The following UNC13C variants were observed in gnomAD, a reference collection of about 807,000 sequenced individuals.
The protein encoded by UNC13C is protein unc-13 homolog C.
In UNC13C, 174 loss-of-function variants were observed where a neutral mutation model predicts 245.4. The ratio of observed to expected loss-of-function variants is 0.71; its 90% CI spans 0.63 to 0.80. UNC13C has a LOEUF of 0.80. Among genes scored for constraint, UNC13C ranks in the 30% least tolerant of loss-of-function variants. The probability of loss-of-function intolerance (pLI) is 0.00; values close to 1 mark genes in which losing one functional copy is unlikely to be tolerated. For synonymous variants in UNC13C, 992 were observed against 895.1 expected, an observed-to-expected ratio of 1.11 and a Z score of -1.93; for missense variants, 2,829 against 2,602.9, an observed-to-expected ratio of 1.09 and a Z score of -1.89.
At chr15:54,598,540 C>A (rs1448132073) in intron 30 of UNC13C, among the ~76,000 whole-genome samples, 1 of 152,180 alleles carries the variant, frequency 6.6e-6, no homozygotes, top group Non-Finnish European at 1.5e-5. Flanking sequence ...GTGGAATAAA[C>A]TTCTGTTGAA....
chr15:54,015,524 A>T lies in UNC13C; in HGVS notation c.2621A>T (p.Asn874Ile). ...GATTATACTGAACCAGTGGCTGACA[A>T]TGAAACAGATTATGTTGAAGTCATG... ...EEDYTEPVAD[N>I]ETDYVEVMEQ... The change falls in exon 2 of 33, where the codon AAT (asparagine) becomes ATT (isoleucine). Residue 874 changes from asparagine to isoleucine, a missense_variant. Asn to Ile is a moderately radical substitution (Grantham distance 149). Transcript: ENST00000260323. 6.2e-7 allele frequency: 1 copy of T among 1,613,292 alleles called. No homozygotes were observed. The highest frequency in any genetic ancestry group is 8.5e-7 in the Non-Finnish European group (1 of 1,179,396).
chr15:54,322,391 C>A (rs1402709932), intron 14 of UNC13C, among the ~76,000 whole-genome samples: 1 of 152,030 alleles, frequency 6.6e-6, no homozygotes, highest in African/African-American at 2.4e-5. Context: ...TCAACATATG[C>A]AAATTTGGTA....
chr15:54,330,309 G>A (rs2038405842), intron 14 of UNC13C, among the ~76,000 whole-genome samples: 2 of 152,040 alleles, frequency 1.3e-5, no homozygotes, highest in South Asian at 2.1e-4. Context: ...GATTTAATAA[G>A]CTGTCTACAT....
At chr15:53,925,740 A>T in the UNC13C span, among the ~76,000 whole-genome samples, 1 of 152,178 alleles carries the variant, frequency 6.6e-6, no homozygotes, top group South Asian at 2.1e-4. Flanking sequence ...ACACCAGACT[A>T]TTATTTACCA....
chr15:54,559,825 A>C (rs1400499212), intron 29 of UNC13C, among the ~76,000 whole-genome samples: 3 of 152,008 alleles, frequency 2.0e-5, no homozygotes, highest in Admixed American at 6.6e-5. Flanking sequence ...TAAATAGTCT[A>C]GTGTAGAAGA....
chr15:53,955,414 T>C, the UNC13C span, among the ~76,000 whole-genome samples: 1 of 152,146 alleles, frequency 6.6e-6, no homozygotes, highest in Non-Finnish European at 1.5e-5. Context: ...TTAAAAGACA[T>C]GATTTTTCAG....
chr15:54,374,221 C>T (rs911339983), intron 17 of UNC13C, among the ~76,000 whole-genome samples: 1 of 152,156 alleles, frequency 6.6e-6, no homozygotes, highest in African/African-American at 2.4e-5. Flanking sequence ...GTTCTCATTC[C>T]AGTCTGTGGA....
At chr15:54,432,182 C>T (rs2040885582) in intron 19 of UNC13C, among the ~76,000 whole-genome samples, 1 of 151,570 alleles carries the variant, frequency 6.6e-6, no homozygotes, top group South Asian at 2.1e-4. Flanking sequence ...GACATAGAAT[C>T]TCTGCCCTAA....
chr15:54,392,267 A>G (rs779913504), intron 17 of UNC13C, among the ~76,000 whole-genome samples: 1 of 152,110 alleles, frequency 6.6e-6, no homozygotes, highest in Non-Finnish European at 1.5e-5. Context: ...TGAAATTTAT[A>G]TGTGAAACAT....
intron 24 of UNC13C, among the ~76,000 whole-genome samples, chr15:54,515,151 T>C (rs1202395264): frequency 1.3e-5 from 2 of 152,170 alleles, no homozygotes; most frequent in Non-Finnish European, 2.9e-5. Context: ...GTCTGTTTTT[T>C]TAAAAAGCAC....
intron 18 of UNC13C, among the ~76,000 whole-genome samples, chr15:54,401,641 G>A (rs1164769665): frequency 6.6e-6 from 1 of 152,176 alleles, no homozygotes; most frequent in Non-Finnish European, 1.5e-5. Context: ...AGTTGACAGT[G>A]AGTGGAGGGA....
rs1272170190 is a variant in UNC13C, at chr15:54,250,047, GAGA to G, written c.3229-173_3229-171del. ...ACTGAATAGGGCCCTAAAACATTGA[GAGA>G]AGAATAGGTTAGCAGAGTTATTATG... is the stretch of plus-strand genomic sequence containing the variant. On this transcript the variant is annotated intron_variant, in intron 7 of 32. Coordinates refer to ENST00000260323, the MANE Select transcript of UNC13C (RefSeq NM_001080534.3). 6.2e-4 allele frequency among the ~76,000 whole-genome samples: 94 copies of G among 152,286 alleles called. 1 individual carries two copies. The highest frequency in any genetic ancestry group is 2.2e-3 in the African/African-American group (91 of 41,546).
At chr15:54,413,260 G>A (rs1047579030) in intron 18 of UNC13C, among the ~76,000 whole-genome samples, 2 of 151,604 alleles carry the variant, frequency 1.3e-5, no homozygotes, top group African/African-American at 4.8e-5. Context: ...TAGTTCTTTA[G>A]TTCTTTGTTT....
chr15:54,182,311 A>G (rs1010356166), intron 4 of UNC13C, among the ~76,000 whole-genome samples: 11 of 151,984 alleles, frequency 7.2e-5, no homozygotes, highest in African/African-American at 2.4e-4. Flanking sequence ...TTCATTTTTA[A>G]TTCTGTTTAT....
intron 17 of UNC13C, among the ~76,000 whole-genome samples, chr15:54,383,625 G>T (rs568829415): frequency 1.3e-4 from 19 of 151,994 alleles, no homozygotes; most frequent in Non-Finnish European, 2.2e-4. Context: ...AAAAATGCCC[G>T]CTCTCACCAC....
intron 30 of UNC13C, among the ~76,000 whole-genome samples, chr15:54,580,258 G>A (rs1898141885): frequency 6.6e-6 from 1 of 152,190 alleles, no homozygotes; most frequent in African/African-American, 2.4e-5. Flanking sequence ...GAGCGAAGAT[G>A]GGACATTTTC....
chr15:53,898,809 C>T, the UNC13C span, among the ~76,000 whole-genome samples: 1 of 152,100 alleles, frequency 6.6e-6, no homozygotes, highest in Admixed American at 6.6e-5. Context: ...TATCTACTTC[C>T]ATAACAAATT....
At chr15:54,138,911 C>G (rs558364624) in intron 2 of UNC13C, among the ~76,000 whole-genome samples, 170 of 127,746 alleles carry the variant, frequency 1.3e-3, no homozygotes, top group African/African-American at 4.8e-3. Flanking sequence ...CTAATCTTTA[C>G]TTGATATTAT....
Position 54,516,213 on chromosome 15 carries a change from T to G in UNC13C, c.5457+4383T>G, listed in dbSNP as rs545066043. Among the ~76,000 whole-genome samples the G allele has an allele frequency of 2.1e-4, 32 of 152,264 alleles. No homozygotes were observed. In the South Asian group the frequency reaches 6.0e-3, roughly 29 times the overall value. On this transcript the variant is annotated intron_variant, in intron 24 of 32. Transcript: ENST00000260323. The stretch of plus-strand genomic sequence containing the variant: ...AAGGAAAAACATTAATCTTCATCAT[T>G]TTTCACTTGCCACTAGCCTCTCAAC...
Sources: gnomAD v4.1 joint callset for allele counts (sites outside exome capture counted in the v4.1 genomes callset) on GRCh38, gnomAD v4.1.1 for gene constraint, MANE v1.5 for transcripts, NCBI Gene and HGNC (gene_info 2026-07-23, HGNC 2026-07-21) for gene names.